NOL10: variants seen among roughly 807,000 people sequenced by gnomAD.
NOL10 encodes H_NH0074G24.1.
NOL10 carries 58 observed loss-of-function variants against 103.5 expected under a neutral mutation model. The observed-to-expected ratio is 0.56, with a 90% CI of 0.45 to 0.70. The LOEUF is 0.70. NOL10 is among the 30% of genes least tolerant of loss of function. The pLI, the probability that NOL10 is intolerant of heterozygous loss-of-function variation, is 0.00. For synonymous variants in NOL10, 287 were observed against 282.5 expected (o/e 1.02, Z -0.16); for missense variants, 763 against 807.3 (o/e 0.95, Z 0.67).
chr2:10,587,635 A>G (rs1308019925), intron 19 of NOL10, among the ~76,000 whole-genome samples: 1 of 151,854 alleles, frequency 6.6e-6, no homozygotes, highest in South Asian at 2.1e-4. Context: ...TCAAGGGTCA[A>G]CTCTACTAGC....
At chr2:10,676,376 TTA>T (rs1475462285) in intron 3 of NOL10, among the ~76,000 whole-genome samples, 1 of 152,178 alleles carries the variant, frequency 6.6e-6, no homozygotes, top group Non-Finnish European at 1.5e-5. Context: ...GCAGCATTAT[TTA>T]TAAATGGTCA....
chr2:10,597,707 G>A lies in NOL10; in HGVS notation c.1422+3146C>T, dbSNP rs114337529. On this transcript the variant is annotated intron_variant, in intron 17 of 20. Transcript: ENST00000381685. ...TGGGCTAGGAAGTCACCAACAAGAAGATTAGGGGCACATTTTACAAATAGT... is the reference window on the plus strand; with the variant it reads ...TGGGCTAGGAAGTCACCAACAAGAAAATTAGGGGCACATTTTACAAATAGT... 5.0e-3 allele frequency among the ~76,000 whole-genome samples: 765 copies of A among 152,306 alleles called. 8 individuals are homozygous for A. The highest frequency in any genetic ancestry group is 0.018 in the African/African-American group (731 of 41,568).
At chr2:10,689,445 T>G (rs775066657) in intron 1 of NOL10, among the ~76,000 whole-genome samples, 4 of 152,282 alleles carry the variant, frequency 2.6e-5, no homozygotes, top group Admixed American at 1.3e-4. Context: ...GGGAGAGATG[T>G]GTCAACGAAT....
intron 8 of NOL10, among the ~76,000 whole-genome samples, chr2:10,665,784 T>C (rs781548519): frequency 1.3e-5 from 2 of 152,220 alleles, no homozygotes; most frequent in Non-Finnish European, 2.9e-5. Flanking sequence ...GAAAGCTTGA[T>C]TTAGACATAA....
In NOL10 at chr2:10,657,879, C is replaced by A; in HGVS notation, c.769G>T (p.Asp257Tyr). The A allele has an allele frequency of 6.6e-7, 1 of 1,526,438 alleles. No individual in the cohort carries two copies. The highest frequency in any genetic ancestry group is 1.3e-5 in the South Asian group (1 of 78,270). 94.6% of individuals were successfully genotyped at this position (1,526,438 alleles called of 1,614,324 possible). A position where few individuals can be genotyped will look rare whatever the true frequency, so the allele number is the denominator to read the frequency against. ...AGCAATGGCTTATCAGATCGAAGGT[C>A]ATATAATAAAACCTGAAAAAAAATT... is the stretch of plus-strand genomic sequence containing the variant. ...GTTTGQVLLY[D>Y]LRSDKPLLVK... is the part of the protein sequence containing the mutation. The change falls in exon 11 of 21, where the codon GAC (aspartate) becomes TAC (tyrosine). Residue 257 changes from aspartate (D) to tyrosine (Y), a missense_variant. By Grantham distance (160) the Asp-to-Tyr change is radical (BLOSUM62 -3). Coordinates refer to ENST00000381685, the MANE Select transcript of NOL10 (RefSeq NM_024894.4).
At chr2:10,628,895 T>C (rs1431080899) in intron 13 of NOL10, among the ~76,000 whole-genome samples, 1 of 152,118 alleles carries the variant, frequency 6.6e-6, no homozygotes, top group Non-Finnish European at 1.5e-5. Context: ...ACTGGAGCCA[T>C]CCTAAATGCA....
rs575667466 is a variant in NOL10, at chr2:10,582,731, C to T, written c.1845-4993G>A. Among the ~76,000 whole-genome samples, 12 of 152,326 alleles carry T rather than the reference C, an allele frequency of 7.9e-5. No homozygotes were observed. In the South Asian group the frequency reaches 2.5e-3, roughly 32 times the overall value. On this transcript the variant is annotated intron_variant, in intron 19 of 20. Transcript: ENST00000381685. ...TACCTGGTACTCGGGCCCACTGCCA[C>T]CCAGTTCCTTACCAGATGCCACTTT... is the stretch of plus-strand genomic sequence containing the variant.
chr2:10,646,354 A>C (rs11681165), intron 12 of NOL10, among the ~76,000 whole-genome samples: 5,660 of 152,300 alleles, frequency 0.037, 201 homozygotes, highest in African/African-American at 0.093. Flanking sequence ...ATGAAATACA[A>C]CACCACCTAC....
At chr2:10,665,324 T>C (rs931441789) in intron 8 of NOL10, among the ~76,000 whole-genome samples, 4 of 152,194 alleles carry the variant, frequency 2.6e-5, no homozygotes, top group Admixed American at 1.3e-4. Flanking sequence ...AGCACACTGA[T>C]TTTCTATTAC....
rs1219667089 is a variant in NOL10 at position 10,587,238 on chromosome 2, T to C, written c.1844+1805A>G. On this transcript the variant is annotated intron_variant, in intron 19 of 20. Transcript: ENST00000381685. ...ATATACATATATATACATATATATA[T>C]ACATACATATATATATATACACATA... is the stretch of plus-strand genomic sequence containing the variant. Among the ~76,000 whole-genome samples the C allele has an allele frequency of 3.4e-4, 16 of 47,612 alleles. 6 individuals are homozygous for C. In the East Asian group the frequency reaches 5.0e-3, roughly 15 times the overall value. 31.2% of individuals were successfully genotyped at this position (47,612 alleles called of 152,430 possible). A position where few individuals can be genotyped will look rare whatever the true frequency, so the allele number is the denominator to read the frequency against.
chr2:10,646,948 A>T (rs1486413474), intron 12 of NOL10, among the ~76,000 whole-genome samples: 2 of 152,276 alleles, frequency 1.3e-5, no homozygotes, highest in East Asian at 3.8e-4. Flanking sequence ...CCGTAAGTAC[A>T]GTGTGAGGAC....
rs1288736079 is a variant in NOL10 at position 10,657,793 on chromosome 2, A to G, written c.855T>C (p.Asp285=). The G allele has an allele frequency of 6.4e-7, 1 of 1,551,450 alleles. No individual in the cohort carries two copies. The highest frequency in any genetic ancestry group is 1.4e-5 in the African/African-American group (1 of 73,188). Residue 285 remains aspartate (D), a synonymous_variant, in exon 11 of 21, where the codon GAT becomes GAC. Coordinates refer to ENST00000381685, the MANE Select transcript of NOL10 (RefSeq NM_024894.4). ...TTCGAGAGTCAGCAGACAAAATCAG[A>G]TCTAATGAATCCTGGAAATGAACGG... The part of the protein sequence containing the change: ...IKSVHFQDSL[D]LILSADSRIV...
At chr2:10,630,200 T>C (rs1022028704) in intron 13 of NOL10, among the ~76,000 whole-genome samples, 1 of 152,244 alleles carries the variant, frequency 6.6e-6, no homozygotes, top group African/African-American at 2.4e-5. Context: ...ATATCCATTC[T>C]ACATAAATGC....
At chr2:10,573,790 T>C (rs1674309173) in intron 20 of NOL10, among the ~76,000 whole-genome samples, 1 of 152,192 alleles carries the variant, frequency 6.6e-6, no homozygotes, top group Admixed American at 6.5e-5. Flanking sequence ...CTGTCCTGTG[T>C]ATTCTTCTGA....
chr2:10,678,180 C>A lies in NOL10; in HGVS notation c.212-2309G>T, dbSNP rs575797099. Reference sequence around the variant, plus strand: ...CCTCCTGCCTCTGCCTCGTGAGTAGCTGACACTACAGGTGCACACCACCAC... The same window carrying A: ...CCTCCTGCCTCTGCCTCGTGAGTAGATGACACTACAGGTGCACACCACCAC... On this transcript the variant is annotated intron_variant, in intron 3 of 20. Transcript: ENST00000381685. 7.9e-5 allele frequency among the ~76,000 whole-genome samples: 12 copies of A among 151,966 alleles called. No individual in the cohort carries two copies. The South Asian group carries it at 2.3e-3, about 29-fold the overall frequency.
chr2:10,669,073 G>A (rs947242345), intron 6 of NOL10, among the ~76,000 whole-genome samples: 5 of 151,900 alleles, frequency 3.3e-5, no homozygotes, highest in African/African-American at 1.2e-4. Flanking sequence ...GTGTAATTAT[G>A]GCTGAATTTT....
At chr2:10,610,823 T>C (rs1312673966) in intron 13 of NOL10, among the ~76,000 whole-genome samples, 1 of 152,184 alleles carries the variant, frequency 6.6e-6, no homozygotes, top group African/African-American at 2.4e-5. Context: ...AATTCCACAT[T>C]TTACAACTTG....
intron 13 of NOL10, among the ~76,000 whole-genome samples, chr2:10,622,573 C>T (rs1677211815): frequency 6.6e-6 from 1 of 151,794 alleles, no homozygotes; most frequent in African/African-American, 2.4e-5. Context: ...AAGTCCCTTA[C>T]ACTATCAAAC....
intron 8 of NOL10, 102 bp downstream of exon 8, chr2:10,667,116 T>G: frequency 1.2e-6 from 1 of 803,284 alleles, no homozygotes; most frequent in Non-Finnish European, 2.1e-6. Flanking sequence ...TATCACCTCA[T>G]TATCATCCTG....
Sources: gnomAD v4.1 joint callset for allele counts (sites outside exome capture counted in the v4.1 genomes callset) on GRCh38, gnomAD v4.1.1 for gene constraint, MANE v1.5 for transcripts, NCBI Gene and HGNC (gene_info 2026-07-23, HGNC 2026-07-21) for gene names.